GALNTL6: variants seen among roughly 807,000 people sequenced by gnomAD.
GALNTL6 encodes the protein polypeptide N-acetylgalactosaminyltransferase like 6.
Under a neutral mutation model 73.7 loss-of-function variants are expected in GALNTL6, and 46 were observed. The ratio of observed to expected loss-of-function variants is 0.62; its 90% CI spans 0.49 to 0.80. The LOEUF (loss-of-function observed/expected upper bound fraction) is 0.80, where lower values mean the gene tolerates loss of function less well. GALNTL6 is among the 30% of genes least tolerant of loss of function. GALNTL6 has a pLI of 0.00. For missense variants in GALNTL6, 604 were observed against 755.0 expected (o/e 0.80, Z 2.34); for synonymous variants, 259 against 263.7 (o/e 0.98, Z 0.17).
chr4:172,310,084 C>A (rs773365926), intron 3 of GALNTL6, among the ~76,000 whole-genome samples: 2 of 151,982 alleles, frequency 1.3e-5, no homozygotes, highest in Non-Finnish European at 2.9e-5. Flanking sequence ...AACATGTTAT[C>A]AGTTGGAAAA....
At chr4:172,023,652 A>G (rs1741468799) in intron 2 of GALNTL6, among the ~76,000 whole-genome samples, 1 of 151,918 alleles carries the variant, frequency 6.6e-6, no homozygotes. Flanking sequence ...AAATCAATGT[A>G]TTTTTGGCAG....
intron 3 of GALNTL6, among the ~76,000 whole-genome samples, chr4:172,309,201 C>T (rs993306449): frequency 1.3e-5 from 2 of 151,888 alleles, no homozygotes; most frequent in Non-Finnish European, 2.9e-5. Flanking sequence ...TTATCAATCC[C>T]CAGCCGTATG....
intron 2 of GALNTL6, among the ~76,000 whole-genome samples, chr4:171,831,784 T>C (rs1009692637): frequency 2.0e-5 from 3 of 151,804 alleles, no homozygotes; most frequent in African/African-American, 2.4e-5. Context: ...TCATTGCACA[T>C]TGTTTTGTAT....
intron 5 of GALNTL6, among the ~76,000 whole-genome samples, chr4:172,543,811 G>A (rs569110484): frequency 2.6e-5 from 4 of 152,154 alleles, no homozygotes; most frequent in Non-Finnish European, 5.9e-5. Context: ...TCTGTTAAAA[G>A]GATCTTCTAA....
At chr4:172,950,510 G>A (rs554819375) in intron 9 of GALNTL6, among the ~76,000 whole-genome samples, 1 of 152,328 alleles carries the variant, frequency 6.6e-6, no homozygotes, top group South Asian at 2.1e-4. Flanking sequence ...CACCCAAGGA[G>A]TGCACAGAGA....
intron 2 of GALNTL6, among the ~76,000 whole-genome samples, chr4:171,892,372 CAT>C (rs1736786245): frequency 6.6e-6 from 1 of 152,102 alleles, no homozygotes; most frequent in Admixed American, 6.6e-5. Context: ...AACAGGGACA[CAT>C]GTGTATGCTA....
At chr4:172,138,513 A>ATATATATATGTTTTTTTTTTT (rs1553995933) in intron 2 of GALNTL6, among the ~76,000 whole-genome samples, 1 of 7,786 alleles carries the variant, frequency 1.3e-4, no homozygotes, top group Non-Finnish European at 2.3e-4. Flanking sequence ...ATATATATAT[A>ATATATATATGTTTTTTTTTTT]TTTTTTTTTT....
intron 4 of GALNTL6, among the ~76,000 whole-genome samples, chr4:172,344,273 G>A (rs1741666938): frequency 6.6e-6 from 1 of 152,120 alleles, no homozygotes; most frequent in Admixed American, 6.6e-5. Flanking sequence ...ATAAAGCCCT[G>A]GATGTGCTTC....
intron 5 of GALNTL6, among the ~76,000 whole-genome samples, chr4:172,592,935 T>A (rs1344790811): frequency 6.6e-6 from 1 of 151,786 alleles, no homozygotes; most frequent in African/African-American, 2.4e-5. Context: ...CAATTCATTT[T>A]TATGGCTAGC....
intron 2 of GALNTL6, among the ~76,000 whole-genome samples, chr4:172,020,715 G>T (rs891528665): frequency 1.3e-5 from 2 of 151,888 alleles, no homozygotes; most frequent in Non-Finnish European, 2.9e-5. Context: ...CTTCACTGCA[G>T]CATTCTATCA....
chr4:172,066,534 ACTT>A (rs1731370720), intron 2 of GALNTL6, among the ~76,000 whole-genome samples: 1 of 109,074 alleles, frequency 9.2e-6, no homozygotes. Flanking sequence ...TCTGACCTGG[ACTT>A]TTTTTTTTTT....
chr4:171,938,363 C>T (rs183770433), intron 2 of GALNTL6, among the ~76,000 whole-genome samples: 1 of 152,246 alleles, frequency 6.6e-6, no homozygotes, highest in East Asian at 1.9e-4. Flanking sequence ...TTCTCCCACA[C>T]TTGAATGCCA....
At chr4:171,874,730 A>G (rs1736228414) in intron 2 of GALNTL6, among the ~76,000 whole-genome samples, 1 of 152,176 alleles carries the variant, frequency 6.6e-6, no homozygotes, top group Non-Finnish European at 1.5e-5. Flanking sequence ...TGTGATTTCC[A>G]CAGAAACAAA....
intron 5 of GALNTL6, among the ~76,000 whole-genome samples, chr4:172,572,800 A>AATTAT (rs1334127223): frequency 2.6e-5 from 4 of 152,278 alleles, no homozygotes; most frequent in African/African-American, 9.6e-5. Flanking sequence ...GGAATGATTT[A>AATTAT]ATTATATTAT....
At chr4:173,022,557 T>G (rs891682110) in intron 12 of GALNTL6, among the ~76,000 whole-genome samples, 1 of 152,214 alleles carries the variant, frequency 6.6e-6, no homozygotes, top group African/African-American at 2.4e-5. Context: ...TATCTCAGGC[T>G]CACTTGCTTG....
intron 5 of GALNTL6, among the ~76,000 whole-genome samples, chr4:172,527,074 TTACA>T (rs1320573958): frequency 1.3e-5 from 2 of 152,192 alleles, no homozygotes; most frequent in Non-Finnish European, 2.9e-5. Flanking sequence ...TACTGTGTAA[TTACA>T]TACAGTATAA....
chr4:171,897,560 C>T (rs963185650), intron 2 of GALNTL6, among the ~76,000 whole-genome samples: 2 of 152,078 alleles, frequency 1.3e-5, no homozygotes, highest in Non-Finnish European at 2.9e-5. Context: ...CTGTGGCTCG[C>T]GCCTGCAATC....
chr4:172,502,980 C>G (rs2110781514), intron 5 of GALNTL6, among the ~76,000 whole-genome samples: 1 of 152,248 alleles, frequency 6.6e-6, no homozygotes, highest in South Asian at 2.1e-4. Context: ...TTACAGAAAT[C>G]TCGGATAACG....
intron 2 of GALNTL6, among the ~76,000 whole-genome samples, chr4:171,915,096 T>A (rs1737580551): frequency 6.6e-6 from 1 of 152,152 alleles, no homozygotes; most frequent in Non-Finnish European, 1.5e-5. Flanking sequence ...ACATGGGCTA[T>A]AACTTATAAT....
Sources: gnomAD v4.1 joint callset for allele counts (sites outside exome capture counted in the v4.1 genomes callset) on GRCh38, gnomAD v4.1.1 for gene constraint, MANE v1.5 for transcripts, NCBI Gene and HGNC (gene_info 2026-07-23, HGNC 2026-07-21) for gene names.